Variants in TNS4 observed in about 807,000 individuals in gnomAD.
The protein encoded by TNS4 is tensin 4.
Under a neutral mutation model 70.4 loss-of-function variants are expected in TNS4, and 46 were observed. The ratio of observed to expected loss-of-function variants is 0.65; its 90% confidence interval spans 0.52 to 0.84. The LOEUF (loss-of-function observed/expected upper bound fraction) is 0.84. Among genes scored for constraint, TNS4 ranks in the 40% least tolerant of loss-of-function variants. The pLI, the probability that TNS4 is intolerant of heterozygous loss-of-function variation, is 0.00. For missense variants in TNS4, 863 were observed against 907.0 expected (o/e 0.95, Z 0.62); for synonymous variants, 390 against 366.6 (o/e 1.06, Z -0.73).
In TNS4 at chr17:40,485,017, G is replaced by C. The variant is rs724159929; in HGVS notation, c.1289-10C>G. The C allele has an allele frequency of 3.1e-6, 5 of 1,613,518 alleles. No individual in the cohort carries two copies. The East Asian group carries it at 6.7e-5, about 22-fold the overall frequency. On this transcript the variant is annotated splice_polypyrimidine_tract_variant and intron_variant, in intron 4 of 12. Transcript: ENST00000254051. ...ATGTCCCTGGCGGGACCTGGAGACA[G>C]ACAGAGAAGGGGGACCCTGTAGGCT...
intron 1 of TNS4, among the ~76,000 whole-genome samples, chr17:40,499,498 C>T (rs1209653554): frequency 6.6e-6 from 1 of 152,218 alleles, no homozygotes; most frequent in Non-Finnish European, 1.5e-5. Flanking sequence ...CACCTGGGAT[C>T]TAGAGAGGGG....
chr17:40,497,416 GA>G (rs1490992289), intron 1 of TNS4, among the ~76,000 whole-genome samples: 2 of 152,004 alleles, frequency 1.3e-5, no homozygotes, highest in African/African-American at 4.8e-5. Flanking sequence ...CCAGCCTGGT[GA>G]ACATGGTGAA....
intron 10 of TNS4, among the ~76,000 whole-genome samples, chr17:40,479,106 A>G (rs1029426752): frequency 6.6e-6 from 1 of 152,150 alleles, no homozygotes; most frequent in Admixed American, 6.5e-5. Flanking sequence ...GGGTGCAGGC[A>G]TAATCGGCAC....
intron 2 of TNS4, among the ~76,000 whole-genome samples, chr17:40,492,279 C>T (rs148476315): frequency 6.5e-4 from 99 of 152,314 alleles, no homozygotes; most frequent in African/African-American, 2.4e-3. Context: ...TGAGCCATCA[C>T]GTACCCACCC....
rs2036146477 is a variant in TNS4 at position 40,496,409 on chromosome 17, G to A, written c.17C>T (p.Ser6Phe). 6.2e-7 allele frequency: 1 copy of A among 1,612,430 alleles called. No homozygotes were observed. Among genetic ancestry groups the A allele is most frequent in the South Asian group, 1.1e-5 (1 of 91,024 alleles). ...ATGGCCTCCTGCCAGCAGTGGGCTGGACATCACCTGGGACATGGTGGGGGT... is the reference window on the plus strand; with the variant it reads ...ATGGCCTCCTGCCAGCAGTGGGCTGAACATCACCTGGGACATGGTGGGGGT... Reference protein sequence around the residue: MSQVMSSPLLAGGHAV... With the variant: MSQVMFSPLLAGGHAV... Residue 6 changes from serine (S) to phenylalanine (F), a missense_variant, in exon 2 of 13, where the codon TCC (serine) becomes TTC (phenylalanine). Physicochemically the swap from Ser to Phe is radical, Grantham distance 155 (BLOSUM62 -2). Transcript: ENST00000254051.
At chr17:40,500,335 T>C (rs999534977) in intron 1 of TNS4, among the ~76,000 whole-genome samples, 1 of 152,216 alleles carries the variant, frequency 6.6e-6, no homozygotes, top group African/African-American at 2.4e-5. Flanking sequence ...CGCCCTTGGA[T>C]GTACCAAGGC....
chr17:40,488,579 C>A lies in TNS4; in HGVS notation c.830G>T (p.Ser277Ile). 1 of 1,511,986 alleles carries A rather than the reference C, an allele frequency of 6.6e-7. No homozygotes were observed. The highest frequency in any genetic ancestry group is 1.3e-5 in the South Asian group (1 of 74,724). 93.7% of individuals were successfully genotyped at this position (1,511,986 alleles called of 1,614,324 possible). ...CATATAGCTGACATCAGACACTGGG[C>A]TGGCTGACAGCACAGAGATCCTGCT... is the stretch of plus-strand genomic sequence containing the variant. ...RGSRISVLSA[S>I]PVSDVSYMFG... Residue 277 changes from serine (S) to isoleucine (I), a missense_variant, in exon 3 of 13, where the codon AGC becomes ATC. By Grantham distance (142) the Ser-to-Ile change is moderately radical (BLOSUM62 -2). Coordinates refer to ENST00000254051, the MANE Select transcript of TNS4 (RefSeq NM_032865.6).
chr17:40,498,611 C>T (rs570272708), intron 1 of TNS4, among the ~76,000 whole-genome samples: 2 of 152,178 alleles, frequency 1.3e-5, no homozygotes, highest in Admixed American at 1.3e-4. Context: ...GGCTAGAGTG[C>T]AGTGGCACAG....
chr17:40,484,671 C>A, intron 5 of TNS4, 62 bp from the exon 6 acceptor site: 1 of 1,598,872 alleles, frequency 6.3e-7, no homozygotes, highest in South Asian at 1.1e-5. Flanking sequence ...TCCCCAGCCC[C>A]GTAGGGTCTT....
At position 40,491,979 on chromosome 17, in the gene TNS4, T is replaced by C. The variant is rs371215271; in HGVS notation, c.440-3010A>G. On this transcript the variant is annotated intron_variant, in intron 2 of 12. Transcript: ENST00000254051. ...ATGGGGTGCGGGGTGTTGGAGAGGA[T>C]AAAGAAAGGGATATGGTGTTTGCTT... Among the ~76,000 whole-genome samples, 16 of 151,994 alleles carry C rather than the reference T, an allele frequency of 1.1e-4. No individual in the cohort carries two copies. The South Asian group carries it at 1.7e-3, about 16-fold the overall frequency.
Position 40,476,120 on chromosome 17 carries a change from C to T in TNS4, c.*1468G>A, listed in dbSNP as rs2035843999. 6.6e-6 allele frequency: 1 copy of T among 151,784 alleles called. No homozygotes were observed. Among genetic ancestry groups the T allele is most frequent in the Non-Finnish European group, 1.5e-5 (1 of 68,014 alleles). 9.4% of individuals were successfully genotyped at this position (151,784 alleles called of 1,614,324 possible). A position where few individuals can be genotyped will look rare whatever the true frequency, so the allele number is the denominator to read the frequency against. On this transcript the variant is annotated 3_prime_UTR_variant, in exon 13 of 13. Coordinates refer to ENST00000254051, the MANE Select transcript of TNS4 (RefSeq NM_032865.6). ...TGGGAGGGGGCAGGCACTTGCTCCT[C>T]GTAGAGCAAGAGTGGGTTTCTTCCC...
chr17:40,486,531 CATT>C (rs2035991249), intron 4 of TNS4, among the ~76,000 whole-genome samples: 1 of 146,046 alleles, frequency 6.8e-6, no homozygotes, highest in African/African-American at 2.6e-5. Context: ...AGGCAAATTC[CATT>C]TTTTTTTTTT....
At chr17:40,477,906 G>A (rs556663945) in intron 12 of TNS4, 177 bp from the exon 13 acceptor site, 175 of 628,716 alleles carry the variant, frequency 2.8e-4, no homozygotes, top group South Asian at 1.4e-3. Context: ...TGCCTCTCCC[G>A]TCAGACTGGG....
Position 40,487,291 on chromosome 17 carries a change from G to C in TNS4, c.1033C>G (p.Pro345Ala), listed in dbSNP as rs1249141379. Residue 345 changes from proline (P) to alanine (A), a missense_variant, in exon 4 of 13, where the codon CCC (proline) becomes GCC (alanine). Coordinates refer to ENST00000254051, the MANE Select transcript of TNS4 (RefSeq NM_032865.6). ...AGTGGTGGAGAGTGGGGTGTTCTGG[G>C]TTGGCCCATGGTTAGGGTGGGGTTT... Reference protein sequence around the residue: ...PRNPTLTMGQPRTPHSPPLAK... With the variant: ...PRNPTLTMGQARTPHSPPLAK... The C allele has an allele frequency of 1.2e-6, 2 of 1,614,200 alleles. No individual in the cohort carries two copies. The highest frequency in any genetic ancestry group is 1.1e-5 in the South Asian group (1 of 91,080).
chr17:40,484,808 C>A, intron 5 of TNS4, 113 bp downstream of exon 5: 5 of 1,396,306 alleles, frequency 3.6e-6, no homozygotes, highest in Non-Finnish European at 5.0e-6. Context: ...CATCCCCCTC[C>A]CCCGCTTCCC....
At chr17:40,499,463 C>T (rs9901908) in intron 1 of TNS4, among the ~76,000 whole-genome samples, 129,492 of 152,190 alleles carry the variant, frequency 0.85, 56,802 homozygotes, top group East Asian at 0.98. Flanking sequence ...GCTACAATGC[C>T]ACATGGAATT....
chr17:40,481,935 G>A (rs893488783), intron 8 of TNS4, among the ~76,000 whole-genome samples, 194 bp downstream of exon 8: 11 of 152,262 alleles, frequency 7.2e-5, no homozygotes, highest in African/African-American at 2.7e-4. Context: ...GTATGATGAG[G>A]AAACTGAGGC....
At chr17:40,485,097 C>T (rs2035974333) in intron 4 of TNS4, 90 bp from the exon 5 acceptor site, 8 of 1,100,498 alleles carry the variant, frequency 7.3e-6, no homozygotes, top group Middle Eastern at 2.6e-4. Flanking sequence ...CCCTTCCCTA[C>T]TCTATTGCCC....
At chr17:40,496,602 A>G in intron 1 of TNS4, 82 bp from the exon 2 acceptor site, 1 of 617,638 alleles carries the variant, frequency 1.6e-6, no homozygotes, top group South Asian at 2.2e-5. Context: ...AGGCTAAGTT[A>G]TTCATTCATT....
Sources: gnomAD v4.1 joint callset for allele counts (sites outside exome capture counted in the v4.1 genomes callset) on GRCh38, gnomAD v4.1.1 for gene constraint, MANE v1.5 for transcripts, NCBI Gene and HGNC (gene_info 2026-07-23, HGNC 2026-07-21) for gene names.